RNF38: variants seen among roughly 807,000 people sequenced by gnomAD.
RNF38 encodes E3 ubiquitin-protein ligase RNF38.
A neutral mutation model predicts 67.2 loss-of-function variants in RNF38; 15 were observed. The ratio of observed to expected loss-of-function variants is 0.22; its 90% CI spans 0.15 to 0.34. The LOEUF (loss-of-function observed/expected upper bound fraction) is 0.34, where lower values mean the gene tolerates loss of function less well. Among genes scored for constraint, RNF38 ranks in the 10% least tolerant of loss-of-function variants. RNF38 has a pLI of 1.00. For synonymous variants in RNF38, 220 were observed against 218.8 expected (o/e 1.01, Z -0.05); for missense variants, 524 against 639.9 (o/e 0.82, Z 1.95).
chr9:36,453,325 C>T (rs1021334194), intron 1 of RNF38, among the ~76,000 whole-genome samples: 2 of 151,944 alleles, frequency 1.3e-5, no homozygotes, highest in Non-Finnish European at 2.9e-5. Context: ...AGCAATCTTG[C>T]TGCCTCAGCT....
Position 36,339,867 on chromosome 9 carries a change from C to T in RNF38, c.1486-53G>A. The T allele has an allele frequency of 1.7e-5, 23 of 1,384,694 alleles. No individual in the cohort carries two copies. In the Middle Eastern group the frequency reaches 7.1e-4, roughly 43 times the overall value. The allele number at this position is 1,384,694 out of a possible 1,614,324, so 85.8% of individuals were successfully genotyped here. A position where few individuals can be genotyped will look rare whatever the true frequency, so the allele number is the denominator to read the frequency against. ...AAATTGTGACACATACAATGAAACA[C>T]ATTCAAAGCAATGGAACTACTTTTA... On this transcript the variant is annotated intron_variant, in intron 11 of 11. Coordinates refer to ENST00000259605, the MANE Select transcript of RNF38 (RefSeq NM_022781.5).
At chr9:36,428,472 TATAC>T (rs1293738830) in intron 1 of RNF38, among the ~76,000 whole-genome samples, 1 of 144,986 alleles carries the variant, frequency 6.9e-6, no homozygotes, top group Non-Finnish European at 1.5e-5. Context: ...TATATATATA[TATAC>T]ACGTATAAAT....
At chr9:36,388,895 T>C (rs191723167) in intron 2 of RNF38, among the ~76,000 whole-genome samples, 1 of 152,272 alleles carries the variant, frequency 6.6e-6, no homozygotes, top group African/African-American at 2.4e-5. Context: ...TAGGTTTTTC[T>C]TTGCATGTGG....
In RNF38 at chr9:36,344,858, A is replaced by T; in HGVS notation, c.1359T>A (p.Pro453=). 6.2e-7 allele frequency: 1 copy of T among 1,613,918 alleles called. No homozygotes were observed. Among genetic ancestry groups the T allele is most frequent in the Non-Finnish European group, 8.5e-7 (1 of 1,179,802 alleles). The change falls in exon 10 of 12, where the codon CCT becomes CCA. Residue 453 remains proline, a synonymous_variant. Transcript: ENST00000259605. The stretch of plus-strand genomic sequence containing the variant: ...AAGTCTGTTCTGACTGGTGGTTGTT[A>T]GGATTGAACCGATAAGAAGGAAGTT... ...IEQLPSYRFN[P]NNHQSEQTLC... is the part of the protein sequence containing the mutation.
At chr9:36,392,827 T>C (rs1837211629) in intron 1 of RNF38, among the ~76,000 whole-genome samples, 1 of 152,180 alleles carries the variant, frequency 6.6e-6, no homozygotes, top group African/African-American at 2.4e-5. Context: ...AAGAAGCTTA[T>C]TCTAACAATT....
At chr9:36,486,333 A>T (rs1351295013) in intron 1 of RNF38, among the ~76,000 whole-genome samples, 1 of 151,830 alleles carries the variant, frequency 6.6e-6, no homozygotes, top group Non-Finnish European at 1.5e-5. Flanking sequence ...CAGGCGGGTG[A>T]CTCGGTCCCA....
intron 2 of RNF38, among the ~76,000 whole-genome samples, chr9:36,384,596 G>A (rs1020356256): frequency 5.9e-5 from 9 of 152,166 alleles, no homozygotes; most frequent in Non-Finnish European, 1.0e-4. Context: ...GATGTATTAG[G>A]TGAGTGCAAA....
At chr9:36,485,137 C>T (rs1360800593) in intron 1 of RNF38, among the ~76,000 whole-genome samples, 1 of 152,198 alleles carries the variant, frequency 6.6e-6, no homozygotes, top group Non-Finnish European at 1.5e-5. Flanking sequence ...CCACTGCACT[C>T]CAGCCTGGGT....
intron 11 of RNF38, 112 bp downstream of exon 11, chr9:36,342,213 G>A: frequency 2.7e-6 from 2 of 747,270 alleles, no homozygotes; most frequent in Non-Finnish European, 4.7e-6. Flanking sequence ...ACTGAAAGCT[G>A]TGTTTCCATT....
At chr9:36,460,647 G>C (rs184003869) in intron 1 of RNF38, among the ~76,000 whole-genome samples, 1 of 152,192 alleles carries the variant, frequency 6.6e-6, no homozygotes, top group East Asian at 1.9e-4. Flanking sequence ...CAGCACTTTG[G>C]GAGGCCAAGG....
intron 3 of RNF38, among the ~76,000 whole-genome samples, chr9:36,375,503 T>A (rs1383266205): frequency 6.6e-6 from 1 of 152,200 alleles, no homozygotes; most frequent in Non-Finnish European, 1.5e-5. Flanking sequence ...TCTCCATGGG[T>A]TTATAAGAAA....
At chr9:36,367,341 G>A (rs10972872) in intron 4 of RNF38, among the ~76,000 whole-genome samples, 28,268 of 152,020 alleles carry the variant, frequency 0.19, 3,205 homozygotes, top group Non-Finnish European at 0.26. Flanking sequence ...TTCCTACCAC[G>A]TATTGAAAAT....
At chr9:36,418,126 T>G (rs1016393864) in intron 2 of RNF38, among the ~76,000 whole-genome samples, 26 of 150,140 alleles carry the variant, frequency 1.7e-4, no homozygotes, top group African/African-American at 5.9e-4. Context: ...CCATGCAACC[T>G]CAAGTAATCT....
chr9:36,367,603 C>T (rs1211632491), intron 4 of RNF38, among the ~76,000 whole-genome samples: 1 of 151,764 alleles, frequency 6.6e-6, no homozygotes, highest in Non-Finnish European at 1.5e-5. Context: ...AAAAATTGTT[C>T]TCATACCTTC....
chr9:36,342,532 AT>A, intron 10 of RNF38, 108 bp from the exon 11 acceptor site: 1 of 722,520 alleles, frequency 1.4e-6, no homozygotes, highest in Admixed American at 2.4e-5. Flanking sequence ...CGTCACTTAA[AT>A]TTTTAAACAA....
chr9:36,455,449 A>G (rs542592597), intron 1 of RNF38, among the ~76,000 whole-genome samples: 66 of 152,236 alleles, frequency 4.3e-4, no homozygotes, highest in African/African-American at 1.5e-3. Flanking sequence ...TCAACTCTCA[A>G]TTATCTCCAG....
Position 36,357,759 on chromosome 9 carries a change from A to G in RNF38, c.738+16T>C. The G allele has an allele frequency of 6.2e-7, 1 of 1,609,782 alleles. No homozygotes were observed. On this transcript the variant is annotated intron_variant, in intron 5 of 11. Transcript: ENST00000259605. ...CTTAATAGTAATATCTAATGAGAAC[A>G]AAGATAGAGACTTACTGGAGGAGGC...
chr9:36,406,153 T>C (rs1284431710), upstream of RNF38, among the ~76,000 whole-genome samples: 2 of 152,162 alleles, frequency 1.3e-5, no homozygotes, highest in African/African-American at 2.4e-5. Flanking sequence ...GACACCGATG[T>C]TGGGGGGAAG....
chr9:36,339,934 C>T, intron 11 of RNF38, 120 bp from the exon 12 acceptor site: 1 of 926,748 alleles, frequency 1.1e-6, no homozygotes, highest in Non-Finnish European at 1.7e-6. Context: ...TGAAGAGGTA[C>T]AAAGCAATTT....
Sources: allele counts gnomAD v4.1 joint callset (sites outside exome capture counted in the v4.1 genomes callset), GRCh38; gene constraint gnomAD v4.1.1; transcripts MANE v1.5; gene names NCBI Gene and HGNC (gene_info 2026-07-23, HGNC 2026-07-21).